PTCD2: variants seen among roughly 807,000 people sequenced by gnomAD.
PTCD2 encodes pentatricopeptide repeat domain 2.
PTCD2 carries 31 observed loss-of-function variants against 42.6 expected under a neutral mutation model. The observed-to-expected ratio is 0.73, with a 90% CI of 0.55 to 0.98. The LOEUF (loss-of-function observed/expected upper bound fraction) is 0.98. Among genes scored for constraint, PTCD2 ranks in the 50% least tolerant of loss-of-function variants. The pLI is 0.00. For synonymous variants in PTCD2, 183 were observed against 170.9 expected, an observed-to-expected ratio of 1.07 and a Z score of -0.55; for missense variants, 476 against 454.8, an observed-to-expected ratio of 1.05 and a Z score of -0.42.
At chr5:72,352,953 A>C (rs1399121033) in intron 9 of PTCD2, among the ~76,000 whole-genome samples, 199 bp downstream of exon 9, 1 of 152,142 alleles carries the variant, frequency 6.6e-6, no homozygotes, top group Admixed American at 6.5e-5. Flanking sequence ...CTGAAATTCT[A>C]GGAAACTTTT....
intron 8 of PTCD2, among the ~76,000 whole-genome samples, chr5:72,351,077 T>A (rs1406228910): frequency 1.3e-5 from 2 of 152,212 alleles, no homozygotes; most frequent in East Asian, 3.8e-4. Context: ...TGACCAAAAG[T>A]AGAATCAAAT....
chr5:72,324,214 C>T (rs1217257104), intron 2 of PTCD2, among the ~76,000 whole-genome samples: 1 of 152,176 alleles, frequency 6.6e-6, no homozygotes, highest in Non-Finnish European at 1.5e-5. Flanking sequence ...CTTCATAAGT[C>T]TGTGGCAGTT....
chr5:72,324,568 C>T (rs1751041182), intron 2 of PTCD2, among the ~76,000 whole-genome samples: 1 of 152,304 alleles, frequency 6.6e-6, no homozygotes, highest in Non-Finnish European at 1.5e-5. Context: ...CACTGGTACC[C>T]CTCCACTTTC....
chr5:72,321,123 T>C (rs1370944557), intron 1 of PTCD2: 1 of 152,490 alleles, frequency 6.6e-6, no homozygotes, highest in East Asian at 1.9e-4. Flanking sequence ...TCTGCAGAGT[T>C]TGGAAGCAGA....
At chr5:72,328,991 A>G (rs1470020538) in intron 3 of PTCD2, among the ~76,000 whole-genome samples, 1 of 152,178 alleles carries the variant, frequency 6.6e-6, no homozygotes, top group Non-Finnish European at 1.5e-5. Context: ...TTAAAGTCAC[A>G]CTGTATCTAC....
In PTCD2 at chr5:72,359,618, C is replaced by G. The variant is rs1416730397; in HGVS notation, c.*1191C>G. 1 of 152,208 alleles carries G rather than the reference C, an allele frequency of 6.6e-6. No homozygotes were observed. Among genetic ancestry groups the G allele is most frequent in the Non-Finnish European group, 1.5e-5 (1 of 68,036 alleles). 9.4% of individuals were successfully genotyped at this position (152,208 alleles called of 1,614,324 possible). A position where few individuals can be genotyped will look rare whatever the true frequency, so the allele number is the denominator to read the frequency against. ...TCATCTTTCAGGTTAAGGAAACGAT[C>G]CATGCAAGAGAGGCCCAATCTCAAC... On this transcript the variant is annotated 3_prime_UTR_variant, in exon 10 of 10. Coordinates refer to ENST00000380639, the MANE Select transcript of PTCD2 (RefSeq NM_024754.5).
At chr5:72,352,813 C>T in intron 9 of PTCD2, 59 bp downstream of exon 9, 1 of 848,034 alleles carries the variant, frequency 1.2e-6, no homozygotes, top group Non-Finnish European at 1.9e-6. Flanking sequence ...TTAAAAATGT[C>T]CACTAATTTC....
chr5:72,356,995 GA>G (rs1217190436), intron 9 of PTCD2, among the ~76,000 whole-genome samples: 2 of 152,198 alleles, frequency 1.3e-5, no homozygotes, highest in Non-Finnish European at 2.9e-5. Context: ...GTAAAATGCT[GA>G]TTTTATTCAG....
rs2112224614 is a variant in PTCD2, at chr5:72,352,729, A to G, written c.917A>G (p.Lys306Arg). 6.3e-7 allele frequency: 1 copy of G among 1,593,868 alleles called. No individual in the cohort carries two copies. Among genetic ancestry groups the G allele is most frequent in the African/African-American group, 1.3e-5 (1 of 74,612 alleles). The change falls in exon 9 of 10, where the codon AAA becomes AGA. Residue 306 changes from lysine to arginine, a missense_variant. By Grantham distance (26) the Lys-to-Arg change is conservative. Transcript: ENST00000380639. ...GAAGGAAATTTATCAAAATTTGTGA[A>G]AAGACATGTGTTCTCGGAGGAAGTG... The part of the protein sequence containing the change: ...AAEGNLSKFV[K>R]RHVFSEEVLA...
rs1280428241 is a variant in PTCD2 at position 72,362,552 on chromosome 5, A to G, written c.*4125A>G. ...TTAGACCTGACTCCAAGTTTTGCTC[A>G]GCCCACTGTGTATCCCTTCCTCCTC... On this transcript the variant is annotated 3_prime_UTR_variant, in exon 10 of 10. Transcript: ENST00000380639. 6.6e-6 allele frequency: 1 copy of G among 152,252 alleles called. No individual in the cohort carries two copies. The highest frequency in any genetic ancestry group is 1.5e-5 in the Non-Finnish European group (1 of 68,076). 9.4% of individuals were successfully genotyped at this position (152,252 alleles called of 1,614,324 possible).
chr5:72,344,273 G>A (rs1752235304), intron 8 of PTCD2, among the ~76,000 whole-genome samples: 1 of 152,110 alleles, frequency 6.6e-6, no homozygotes. Context: ...CAGCACTTTG[G>A]GAAGCCAAGG....
intron 3 of PTCD2, among the ~76,000 whole-genome samples, chr5:72,330,002 G>T (rs1309644175): frequency 1.3e-5 from 2 of 150,046 alleles, no homozygotes; most frequent in South Asian, 2.1e-4. Flanking sequence ...GTGCTATCTC[G>T]GCTCACTGCA....
Position 72,363,958 on chromosome 5 carries a change from C to T in PTCD2, c.*5531C>T, listed in dbSNP as rs1043033967. 4 of 152,136 alleles carry T rather than the reference C, an allele frequency of 2.6e-5. No homozygotes were observed. The highest frequency in any genetic ancestry group is 5.9e-5 in the Non-Finnish European group (4 of 68,026). 9.4% of individuals were successfully genotyped at this position (152,136 alleles called of 1,614,324 possible). On this transcript the variant is annotated 3_prime_UTR_variant, in exon 10 of 10. Transcript: ENST00000380639. The stretch of plus-strand genomic sequence containing the variant: ...GATAAACTAGCCATAAAAAAGATTA[C>T]AGCGGCAAAAGCTATCATCAGTAAT...
At position 72,320,396 on chromosome 5, in the gene PTCD2, G is replaced by A; in HGVS notation, c.14G>A (p.Ser5Asn). 1 of 1,614,206 alleles carries A rather than the reference G, an allele frequency of 6.2e-7. No homozygotes were observed. The highest frequency in any genetic ancestry group is 8.5e-7 in the Non-Finnish European group (1 of 1,180,034). Residue 5 changes from serine to asparagine, a missense_variant, in exon 1 of 10, where the codon AGT becomes AAT. Physicochemically the swap from Ser to Asn is conservative, Grantham distance 46. Coordinates refer to ENST00000380639, the MANE Select transcript of PTCD2 (RefSeq NM_024754.5). Reference protein sequence around the residue: MVRDSMAAAFRPSNR... With the variant: MVRDNMAAAFRPSNR... The stretch of plus-strand genomic sequence containing the variant: ...CCAGTAGTTGGTATGGTCCGAGACA[G>A]TATGGCTGCTGCATTTCGGCCCTCG...
intron 8 of PTCD2, among the ~76,000 whole-genome samples, chr5:72,351,457 G>A (rs1752617103): frequency 6.6e-6 from 1 of 152,150 alleles, no homozygotes; most frequent in Non-Finnish European, 1.5e-5. Flanking sequence ...AACGCTGAAG[G>A]TACCATTTGC....
At chr5:72,344,786 G>C (rs1405731197) in intron 8 of PTCD2, among the ~76,000 whole-genome samples, 1 of 152,160 alleles carries the variant, frequency 6.6e-6, no homozygotes, top group East Asian at 1.9e-4. Flanking sequence ...GATGCCCCGT[G>C]AGCCATAAAA....
intron 1 of PTCD2, chr5:72,320,711 C>G: frequency 3.1e-6 from 2 of 649,722 alleles, no homozygotes; most frequent in East Asian, 5.5e-5. Context: ...AATCGAAGGA[C>G]TGCTGGGGTA....
chr5:72,338,885 A>C (rs10942271), intron 7 of PTCD2, 150 bp downstream of exon 7: 29 of 505,038 alleles, frequency 5.7e-5, no homozygotes, highest in African/African-American at 5.1e-4. Context: ...ATGGCAACCT[A>C]TATCTATACC....
intron 5 of PTCD2, chr5:72,335,428 C>A (rs1322282482): frequency 4.5e-6 from 1 of 221,240 alleles, no homozygotes; most frequent in Non-Finnish European, 8.7e-6. Flanking sequence ...CGCAGTCCGG[C>A]CTGGGCGACA....
Sources: allele counts gnomAD v4.1 joint callset (sites outside exome capture counted in the v4.1 genomes callset), GRCh38; gene constraint gnomAD v4.1.1; transcripts MANE v1.5; gene names NCBI Gene and HGNC (gene_info 2026-07-23, HGNC 2026-07-21).